BMF: variants seen among roughly 807,000 people sequenced by gnomAD.
BMF encodes the protein Bcl2 modifying factor, also known as bcl-2-modifying factor.
Under a neutral mutation model 22.0 loss-of-function variants are expected in BMF, and 10 were observed. That is an observed-to-expected ratio of 0.45 (90% CI 0.28 to 0.77). The LOEUF (loss-of-function observed/expected upper bound fraction) is 0.77, where lower values mean the gene tolerates loss of function less well. Ranked by LOEUF, BMF falls within the 30% of genes least tolerant of loss-of-function variation. BMF has a pLI of 0.13. For synonymous variants in BMF, 87 were observed against 88.1 expected (o/e 0.99, Z 0.07); for missense variants, 206 against 226.8 (o/e 0.91, Z 0.59).
Position 40,106,051 on chromosome 15 carries a change from A to G in BMF, c.36T>C (p.Asp12=). The G allele has an allele frequency of 1.9e-6, 3 of 1,612,316 alleles. No homozygotes were observed. The highest frequency in any genetic ancestry group is 2.2e-5 in the East Asian group (1 of 44,848). The change falls in exon 3 of 5, where the codon GAT becomes GAC. Residue 12 remains aspartate, a synonymous_variant. Coordinates refer to ENST00000354670, the MANE Select transcript of BMF (RefSeq NM_001003940.2). This position sits in a 1 kb window ranked among gnomAD's most constrained non-coding sequence, Gnocchi z 4.1. The part of the protein sequence containing the change: ...EPSQCVEELE[D]DVFQPEDGEP... ...CCCCATCCTCTGGTTGGAACACATC[A>G]TCCTCCAGCTCCTCCACACACTGAG... is the stretch of plus-strand genomic sequence containing the variant.
chr15:40,104,381 C>T, intron 3 of BMF, 41 bp from the exon 4 acceptor site: 1 of 1,607,420 alleles, frequency 6.2e-7, no homozygotes, highest in Non-Finnish European at 8.5e-7. Flanking sequence ...TTCTCCACAA[C>T]TGCTCCAACC....
chr15:40,093,961 A>G (rs1043850322), intron 4 of BMF, among the ~76,000 whole-genome samples: 3 of 152,194 alleles, frequency 2.0e-5, no homozygotes, highest in African/African-American at 7.2e-5. Flanking sequence ...CCACATAGCT[A>G]GTTTAAGTGG....
At chr15:40,094,718 AAGCT>A (rs2036319612) in intron 4 of BMF, among the ~76,000 whole-genome samples, 1 of 152,216 alleles carries the variant, frequency 6.6e-6, no homozygotes. Flanking sequence ...TATACTGAAC[AAGCT>A]CCCTTGGTGA....
intron 4 of BMF, among the ~76,000 whole-genome samples, chr15:40,100,127 GCTT>G (rs1300931073): frequency 1.3e-5 from 2 of 152,232 alleles, no homozygotes; most frequent in Non-Finnish European, 2.9e-5. Flanking sequence ...AGGATTCTTG[GCTT>G]CTTAACATTG....
chr15:40,099,316 G>A (rs1175615483), intron 4 of BMF, among the ~76,000 whole-genome samples: 7 of 152,178 alleles, frequency 4.6e-5, no homozygotes, highest in African/African-American at 9.7e-5. Context: ...ACACCAACTC[G>A]GGTACAACTT....
intron 4 of BMF, among the ~76,000 whole-genome samples, chr15:40,096,049 G>C (rs968328915): frequency 6.6e-6 from 1 of 151,792 alleles, no homozygotes; most frequent in African/African-American, 2.4e-5. Context: ...TAACCCACTT[G>C]TCTGAGGCCA....
At chr15:40,099,294 TA>T (rs1384476375) in intron 4 of BMF, among the ~76,000 whole-genome samples, 1 of 152,212 alleles carries the variant, frequency 6.6e-6, no homozygotes, top group Non-Finnish European at 1.5e-5. Flanking sequence ...TGCTAGTTAA[TA>T]AACCATGCAA....
chr15:40,097,416 G>T lies in BMF; in HGVS notation c.454-5528C>A, dbSNP rs192090395. 5.6e-4 allele frequency among the ~76,000 whole-genome samples: 86 copies of T among 152,362 alleles called. No individual in the cohort carries two copies. The East Asian group carries it at 0.015, about 26-fold the overall frequency. ...CAATTGTTTTACAATATAATGGGGA[G>T]AAGAGCAAGAGCACCTAGCTGAGTA... is the stretch of plus-strand genomic sequence containing the variant. On this transcript the variant is annotated intron_variant, in intron 4 of 4. Coordinates refer to ENST00000354670, the MANE Select transcript of BMF (RefSeq NM_001003940.2).
intron 4 of BMF, among the ~76,000 whole-genome samples, chr15:40,101,905 C>T (rs554174410): frequency 6.6e-6 from 1 of 152,136 alleles, no homozygotes; most frequent in South Asian, 2.1e-4. Flanking sequence ...TGGTCAGCCT[C>T]CTACCCTTGT....
chr15:40,095,631 C>G (rs1379941036), intron 4 of BMF, among the ~76,000 whole-genome samples: 1 of 152,122 alleles, frequency 6.6e-6, no homozygotes, highest in African/African-American at 2.4e-5. Context: ...AATACACAGT[C>G]AGGGTGACCC....
At position 40,104,174 on chromosome 15, in the gene BMF, G is replaced by A; in HGVS notation, c.453+6C>T. On this transcript the variant is annotated splice_donor_region_variant and intron_variant, in intron 4 of 4. Coordinates refer to ENST00000354670, the MANE Select transcript of BMF (RefSeq NM_001003940.2). ...CAACCCTCCTCCCCTAAACCCCCGT[G>A]CCTACTTGCTGCACATGAAGCCGGT... 1.2e-6 allele frequency: 2 copies of A among 1,614,080 alleles called. No homozygotes were observed. Among genetic ancestry groups the A allele is most frequent in the Non-Finnish European group, 1.7e-6 (2 of 1,179,954 alleles).
At chr15:40,103,764 T>C (rs539305499) in intron 4 of BMF, among the ~76,000 whole-genome samples, 1 of 152,328 alleles carries the variant, frequency 6.6e-6, no homozygotes, top group South Asian at 2.1e-4. Context: ...TGGTTACCCG[T>C]TTCCCACTGT....
intron 4 of BMF, among the ~76,000 whole-genome samples, chr15:40,094,123 G>A (rs946118292): frequency 2.0e-5 from 3 of 152,180 alleles, no homozygotes; most frequent in Non-Finnish European, 4.4e-5. Context: ...CAATGGCCAA[G>A]GAAAGCAGAT....
chr15:40,090,038 C>T lies in BMF; in HGVS notation c.*1749G>A, dbSNP rs145451099. ...TACATGCACAGTTTGAGGCCCTTCT[C>T]CTCCAGGGTGCTGTGAGCCCATATG... On this transcript the variant is annotated 3_prime_UTR_variant, in exon 5 of 5. Coordinates refer to ENST00000354670, the MANE Select transcript of BMF (RefSeq NM_001003940.2). 6.6e-6 allele frequency: 1 copy of T among 152,586 alleles called. No individual in the cohort carries two copies. The highest frequency in any genetic ancestry group is 2.4e-5 in the African/African-American group (1 of 41,466). The allele number at this position is 152,586 out of a possible 1,614,324, so 9.5% of individuals were successfully genotyped here. A position where few individuals can be genotyped will look rare whatever the true frequency, so the allele number is the denominator to read the frequency against.
At chr15:40,103,104 C>G (rs1484110153) in intron 4 of BMF, among the ~76,000 whole-genome samples, 1 of 152,242 alleles carries the variant, frequency 6.6e-6, no homozygotes, top group Non-Finnish European at 1.5e-5. Flanking sequence ...ACCCTTAAGT[C>G]AACCTACCAA....
At chr15:40,094,558 A>G (rs941636681) in intron 4 of BMF, among the ~76,000 whole-genome samples, 2 of 152,248 alleles carry the variant, frequency 1.3e-5, no homozygotes, top group African/African-American at 4.8e-5. Context: ...CTCTTGGCTT[A>G]TAAGGAAAAT....
In BMF at chr15:40,091,857, T is replaced by A; in HGVS notation, c.485A>T (p.Gln162Leu). The A allele has an allele frequency of 1.2e-6, 2 of 1,610,936 alleles. No individual in the cohort carries two copies. Among genetic ancestry groups the A allele is most frequent in the Non-Finnish European group, 1.7e-6 (2 of 1,178,862 alleles). Reference sequence around the variant, plus strand: ...AAGGTTGTGCAGGAAGAGGAGGATCTGCCACCACACACGATTTTGGTTCTG... The same window carrying A: ...AAGGTTGTGCAGGAAGAGGAGGATCAGCCACCACACACGATTTTGGTTCTG... ...HQQNQNRVWW[Q>L]ILLFLHNLAL... The change falls in exon 5 of 5, where the codon CAG (glutamine) becomes CTG (leucine). Residue 162 changes from glutamine (Q) to leucine (L), a missense_variant. Coordinates refer to ENST00000354670, the MANE Select transcript of BMF (RefSeq NM_001003940.2).
chr15:40,101,624 A>G (rs1367214450), intron 4 of BMF, among the ~76,000 whole-genome samples: 2 of 152,248 alleles, frequency 1.3e-5, no homozygotes, highest in African/African-American at 2.4e-5. Context: ...ACTGTAGTTT[A>G]TATAAGAATC....
At chr15:40,104,750 T>C (rs558288841) in intron 3 of BMF, among the ~76,000 whole-genome samples, 1 of 152,282 alleles carries the variant, frequency 6.6e-6, no homozygotes, top group Admixed American at 6.5e-5. Context: ...TTGAGCAAAG[T>C]AAGAGGCAGA....
Sources: allele counts gnomAD v4.1 joint callset (sites outside exome capture counted in the v4.1 genomes callset), GRCh38; gene constraint gnomAD v4.1.1; non-coding constraint Gnocchi (gnomAD v3.1); transcripts MANE v1.5; gene names NCBI Gene and HGNC (gene_info 2026-07-23, HGNC 2026-07-21).